AGFG1: variants seen among roughly 807,000 people sequenced by gnomAD.
The protein encoded by AGFG1 is arf-GAP domain and FG repeat-containing protein 1.
In AGFG1, 10 loss-of-function variants were observed where a neutral mutation model predicts 60.6. The observed-to-expected ratio is 0.16, with a 90% CI of 0.10 to 0.28. The LOEUF (loss-of-function observed/expected upper bound fraction) is 0.28, where lower values mean the gene tolerates loss of function less well. Ranked by LOEUF, AGFG1 falls within the 10% of genes least tolerant of loss-of-function variation. AGFG1 has a pLI of 1.00. For missense variants in AGFG1, 537 were observed against 676.5 expected (o/e 0.79, Z 2.29); for synonymous variants, 247 against 242.9 (o/e 1.02, Z -0.16).
chr2:227,531,459 C>T (rs1036521705), intron 6 of AGFG1, among the ~76,000 whole-genome samples: 3 of 150,258 alleles, frequency 2.0e-5, no homozygotes, highest in South Asian at 2.1e-4. Flanking sequence ...ATGAATCTTC[C>T]TTATATCTAC....
At chr2:227,532,099 C>G (rs750543397) in intron 6 of AGFG1, 2 of 1,471,398 alleles carry the variant, frequency 1.4e-6, no homozygotes, top group African/African-American at 2.9e-5. Flanking sequence ...TTTGTTTTTT[C>G]TTTAACTTTC....
intron 2 of AGFG1, among the ~76,000 whole-genome samples, chr2:227,500,627 A>AT (rs1691123992): frequency 6.6e-6 from 1 of 152,194 alleles, no homozygotes; most frequent in Admixed American, 6.5e-5. Flanking sequence ...AAGTTGAAAA[A>AT]TTATACAGGT....
chr2:227,494,451 T>G (rs564116182), intron 2 of AGFG1, among the ~76,000 whole-genome samples: 1 of 152,378 alleles, frequency 6.6e-6, no homozygotes, highest in South Asian at 2.1e-4. Flanking sequence ...TGTGCATGAA[T>G]GAGTTCATGC....
At chr2:227,554,390 G>T in intron 12 of AGFG1, 46 bp from the exon 13 acceptor site, 1 of 1,456,458 alleles carries the variant, frequency 6.9e-7, no homozygotes, top group Non-Finnish European at 9.5e-7. Flanking sequence ...TTTTGTACAT[G>T]CACTACTTTT....
At chr2:227,529,110 G>C (rs1404224232) in intron 5 of AGFG1, among the ~76,000 whole-genome samples, 1 of 152,034 alleles carries the variant, frequency 6.6e-6, no homozygotes, top group Non-Finnish European at 1.5e-5. Flanking sequence ...GTATATGCCT[G>C]TTACAAGAAG....
chr2:227,509,833 A>G (rs1208414332), intron 2 of AGFG1, among the ~76,000 whole-genome samples: 2 of 152,232 alleles, frequency 1.3e-5, no homozygotes, highest in Non-Finnish European at 2.9e-5. Flanking sequence ...ATAGCCAACT[A>G]CATATTTAGC....
Position 227,533,545 on chromosome 2 carries a change from A to G in AGFG1, c.815-4A>G. 6.2e-7 allele frequency: 1 copy of G among 1,612,876 alleles called. No homozygotes were observed. The highest frequency in any genetic ancestry group is 1.7e-5 in the Admixed American group (1 of 59,940). On this transcript the variant is annotated splice_region_variant and splice_polypyrimidine_tract_variant and intron_variant, in intron 6 of 12. Transcript: ENST00000310078. Reference sequence around the variant, plus strand: ...TTTCAAGTGCTCTGTTTATTCTGTTACAGGTGGAAGTGCTGCATCAGTAAA... The same window carrying G: ...TTTCAAGTGCTCTGTTTATTCTGTTGCAGGTGGAAGTGCTGCATCAGTAAA...
At chr2:227,540,819 A>C (rs1692470311) in intron 10 of AGFG1, among the ~76,000 whole-genome samples, 1 of 152,216 alleles carries the variant, frequency 6.6e-6, no homozygotes, top group East Asian at 1.9e-4. Flanking sequence ...CCAGCAGTGT[A>C]AAAGTGTTCC....
rs554013771 is a variant in AGFG1 at position 227,476,117 on chromosome 2, T to C, written c.167+3529T>C. 1.7e-4 allele frequency among the ~76,000 whole-genome samples: 26 copies of C among 152,290 alleles called. No individual in the cohort carries two copies. In the South Asian group the frequency reaches 5.0e-3, roughly 29 times the overall value. ...ATGCTTGAATGATGTTCATTCAGAG[T>C]GTAACTGAATTTAGATTGTAAAACT... On this transcript the variant is annotated intron_variant, in intron 1 of 12. Transcript: ENST00000310078.
chr2:227,528,712 T>C (rs988970750), intron 5 of AGFG1, among the ~76,000 whole-genome samples: 12 of 152,208 alleles, frequency 7.9e-5, no homozygotes, highest in African/African-American at 2.7e-4. Flanking sequence ...TCACAGGTAA[T>C]GTTGGACTTT....
intron 1 of AGFG1, among the ~76,000 whole-genome samples, chr2:227,480,943 GCT>G (rs1690439571): frequency 6.6e-6 from 1 of 152,146 alleles, no homozygotes; most frequent in Non-Finnish European, 1.5e-5. Flanking sequence ...CTTCAGTGTT[GCT>G]GTTGAGAAGT....
chr2:227,517,302 T>C (rs1388338685), intron 2 of AGFG1, among the ~76,000 whole-genome samples: 1 of 152,202 alleles, frequency 6.6e-6, no homozygotes, highest in Non-Finnish European at 1.5e-5. Flanking sequence ...AGTCTCACTC[T>C]GTCATCAGGC....
At position 227,555,176 on chromosome 2, in the gene AGFG1, A is replaced by G. The variant is rs1387206572; in HGVS notation, c.*681A>G. Reference sequence around the variant, plus strand: ...TGCCTTTACCAAAGTGGCCTTAAATATGAGTAGTGAATTGAGAACATCTTG... The same window carrying G: ...TGCCTTTACCAAAGTGGCCTTAAATGTGAGTAGTGAATTGAGAACATCTTG... On this transcript the variant is annotated 3_prime_UTR_variant, in exon 13 of 13. Transcript: ENST00000310078. 2 of 152,610 alleles carry G rather than the reference A, an allele frequency of 1.3e-5. No individual in the cohort carries two copies. The highest frequency in any genetic ancestry group is 4.8e-5 in the African/African-American group (2 of 41,456). The allele number at this position is 152,610 out of a possible 1,614,324, so 9.5% of individuals were successfully genotyped here. A position where few individuals can be genotyped will look rare whatever the true frequency, so the allele number is the denominator to read the frequency against.
intron 10 of AGFG1, among the ~76,000 whole-genome samples, chr2:227,549,256 C>G (rs1222941133): frequency 6.6e-6 from 1 of 152,086 alleles, no homozygotes; most frequent in African/African-American, 2.4e-5. Flanking sequence ...CAGAACCATT[C>G]AATTTTTTAA....
chr2:227,536,692 G>A lies in AGFG1; in HGVS notation c.1273G>A (p.Ala425Thr), dbSNP rs1692324978. The change falls in exon 9 of 13, where the codon GCT becomes ACT. Residue 425 changes from alanine (A) to threonine (T), a missense_variant. Coordinates refer to ENST00000310078, the MANE Select transcript of AGFG1 (RefSeq NM_004504.5). ...QTQPASSSVP[A>T]PFGATPSTNP... ...ACAGCCTGCTTCATCAAGTGTGCCT[G>A]CTCCATTTGGAGGTATGTGCTTCTG... 6.2e-7 allele frequency: 1 copy of A among 1,613,694 alleles called. No homozygotes were observed. Among genetic ancestry groups the A allele is most frequent in the Non-Finnish European group, 8.5e-7 (1 of 1,179,852 alleles).
intron 2 of AGFG1, among the ~76,000 whole-genome samples, chr2:227,508,948 A>G (rs1024931254): frequency 4.6e-5 from 7 of 152,296 alleles, no homozygotes; most frequent in Middle Eastern, 6.8e-3. Flanking sequence ...TGGTTATTCA[A>G]TGAATGGAAA....
Position 227,556,790 on chromosome 2 carries a change from G to GGGTAT in AGFG1, c.*2299_*2303dup, listed in dbSNP as rs1692981629. The GGGTAT allele has an allele frequency of 6.6e-6, 1 of 152,216 alleles. No homozygotes were observed. Among genetic ancestry groups the GGGTAT allele is most frequent in the Admixed American group, 6.6e-5 (1 of 15,264 alleles). The allele number at this position is 152,216 out of a possible 1,614,324, so 9.4% of individuals were successfully genotyped here. On this transcript the variant is annotated 3_prime_UTR_variant, in exon 13 of 13. Transcript: ENST00000310078. ...TTTAGTTCAAGAAGAGACCCAAGCT[G>GGGTAT]GGTATGGTGGTGTGAGAGCCTGTGA...
chr2:227,513,126 A>G (rs754088376), intron 2 of AGFG1, among the ~76,000 whole-genome samples: 1 of 152,364 alleles, frequency 6.6e-6, no homozygotes, highest in East Asian at 1.9e-4. Flanking sequence ...GATTACTGAT[A>G]TAATACTGAT....
At chr2:227,495,387 A>C (rs1320037723) in intron 2 of AGFG1, among the ~76,000 whole-genome samples, 2 of 151,934 alleles carry the variant, frequency 1.3e-5, no homozygotes, top group Non-Finnish European at 2.9e-5. Flanking sequence ...TCTCTCCAAA[A>C]ATTTAAAAAT....
Sources: gnomAD v4.1 joint callset for allele counts (sites outside exome capture counted in the v4.1 genomes callset) on GRCh38, gnomAD v4.1.1 for gene constraint, MANE v1.5 for transcripts, NCBI Gene and HGNC (gene_info 2026-07-23, HGNC 2026-07-21) for gene names.